FBXL2: variants seen among roughly 807,000 people sequenced by gnomAD.
The protein encoded by FBXL2 is F-box/LRR-repeat protein 2.
A neutral mutation model predicts 69.2 loss-of-function variants in FBXL2; 38 were observed. The observed-to-expected ratio is 0.55, with a 90% CI of 0.42 to 0.72. The LOEUF is 0.72. FBXL2 is among the 30% of genes least tolerant of loss of function. The probability of loss-of-function intolerance (pLI) is 0.00; values close to 1 mark genes in which losing one functional copy is unlikely to be tolerated. For missense variants in FBXL2, 354 were observed against 520.3 expected, an observed-to-expected ratio of 0.68 and a Z score of 3.11; for synonymous variants, 192 against 201.3, an observed-to-expected ratio of 0.95 and a Z score of 0.39.
chr3:33,421,465 TCAC>T, the FBXL2 span, among the ~76,000 whole-genome samples: 1 of 152,162 alleles, frequency 6.6e-6, no homozygotes, highest in East Asian at 1.9e-4. Flanking sequence ...AGAGATGGTT[TCAC>T]CACATTGGCC....
At chr3:33,396,660 A>G (rs1352348931) in intron 12 of FBXL2, 7 of 410,444 alleles carry the variant, frequency 1.7e-5, no homozygotes, top group Admixed American at 3.3e-5. Context: ...AGTTTCTGTC[A>G]TTTTAATTCA....
intron 2 of FBXL2, among the ~76,000 whole-genome samples, chr3:33,309,681 C>T (rs995139727): frequency 6.6e-5 from 10 of 152,144 alleles, no homozygotes; most frequent in Non-Finnish European, 1.3e-4. Flanking sequence ...ATAGATCCTT[C>T]ATTCTTCTTT....
At chr3:33,329,510 T>TA (rs560515654) in intron 2 of FBXL2, among the ~76,000 whole-genome samples, 54 of 151,296 alleles carry the variant, frequency 3.6e-4, no homozygotes, top group African/African-American at 1.2e-3. Flanking sequence ...AAATATGGAA[T>TA]TAACTAAGTG....
chr3:33,381,332 G>T (rs973436672), intron 13 of FBXL2, among the ~76,000 whole-genome samples: 1 of 152,090 alleles, frequency 6.6e-6, no homozygotes, highest in African/African-American at 2.4e-5. Flanking sequence ...ACGTATATAC[G>T]TGTGAATCCA....
At chr3:33,331,083 C>T (rs1392818217) in intron 2 of FBXL2, among the ~76,000 whole-genome samples, 3 of 151,538 alleles carry the variant, frequency 2.0e-5, no homozygotes, top group South Asian at 2.1e-4. Flanking sequence ...CTAATGCACC[C>T]GGTTTCATTT....
chr3:33,288,543 A>T (rs1422432132), intron 1 of FBXL2, among the ~76,000 whole-genome samples: 2 of 152,184 alleles, frequency 1.3e-5, no homozygotes, highest in Non-Finnish European at 2.9e-5. Context: ...GGCCTCTCTG[A>T]TAAAGTGACA....
downstream of FBXL2, chr3:33,388,300 C>T (rs1034122683): frequency 5.2e-5 from 8 of 152,460 alleles, no homozygotes; most frequent in South Asian, 2.1e-4. Flanking sequence ...CACGAAGTGA[C>T]AGTAGCAGGA....
downstream of FBXL2, chr3:33,392,502 T>G: frequency 7.0e-7 from 1 of 1,434,170 alleles, no homozygotes; most frequent in East Asian, 2.3e-5. Flanking sequence ...AGGCACTAAT[T>G]AGAGGCACAC....
intron 12 of FBXL2, chr3:33,393,274 T>C (rs751212194): frequency 3.9e-5 from 62 of 1,569,972 alleles, no homozygotes; most frequent in Admixed American, 1.2e-4. Context: ...TAAAAGTAAA[T>C]ACCAGTCTGA....
chr3:33,299,128 G>A (rs1395539565), intron 2 of FBXL2, among the ~76,000 whole-genome samples: 3 of 151,556 alleles, frequency 2.0e-5, no homozygotes, highest in Non-Finnish European at 2.9e-5. Context: ...CGCATCTTCC[G>A]CCTCCCAGGT....
chr3:33,291,854 C>G (rs1432708251), intron 1 of FBXL2, among the ~76,000 whole-genome samples: 1 of 152,134 alleles, frequency 6.6e-6, no homozygotes, highest in African/African-American at 2.4e-5. Flanking sequence ...AATGTAAAGA[C>G]CATCATCTCC....
rs185110576 is a variant in FBXL2 at position 33,381,831 on chromosome 3, A to G, written c.952-2158A>G. Among the ~76,000 whole-genome samples the G allele has an allele frequency of 1.2e-3, 190 of 152,354 alleles. 1 individual carries two copies. The highest frequency in any genetic ancestry group is 2.3e-3 in the South Asian group (11 of 4,832). ...AAAACCAATGAACAGCATTGATTAC[A>G]TAAATACTATTTGATGTAAACCATG... On this transcript the variant is annotated intron_variant, in intron 13 of 14. Transcript: ENST00000484457.
At chr3:33,415,224 A>G in the FBXL2 span, among the ~76,000 whole-genome samples, 1 of 152,246 alleles carries the variant, frequency 6.6e-6, no homozygotes, top group East Asian at 1.9e-4. Context: ...ACTGCCCTGG[A>G]AAGCCAGCTT....
At chr3:33,349,454 C>A (rs995266636) in intron 2 of FBXL2, among the ~76,000 whole-genome samples, 4 of 152,120 alleles carry the variant, frequency 2.6e-5, no homozygotes, top group Non-Finnish European at 5.9e-5. Flanking sequence ...GGATAACTCT[C>A]ACGTGTTCAT....
At chr3:33,419,628 CAA>C in the FBXL2 span, among the ~76,000 whole-genome samples, 5 of 100,796 alleles carry the variant, frequency 5.0e-5, no homozygotes, top group Admixed American at 9.5e-5. Flanking sequence ...GACTCCATCT[CAA>C]AAAAAAAAAA....
intron 4 of FBXL2, among the ~76,000 whole-genome samples, chr3:33,361,336 T>G (rs1253398674): frequency 6.6e-6 from 1 of 151,800 alleles, no homozygotes; most frequent in Non-Finnish European, 1.5e-5. Flanking sequence ...AAACTGCGTC[T>G]CTACAAAAAA....
chr3:33,308,490 C>T (rs2036912731), intron 2 of FBXL2, among the ~76,000 whole-genome samples: 1 of 152,150 alleles, frequency 6.6e-6, no homozygotes, highest in African/African-American at 2.4e-5. Context: ...TCTCTATCTT[C>T]TTCCATCCAC....
intron 2 of FBXL2, among the ~76,000 whole-genome samples, chr3:33,354,329 T>A (rs1275322463): frequency 6.6e-6 from 1 of 151,648 alleles, no homozygotes; most frequent in African/African-American, 2.4e-5. Context: ...GCCTGACCAA[T>A]ATAGTGAAAC....
intron 1 of FBXL2, among the ~76,000 whole-genome samples, chr3:33,292,210 T>C (rs2035296204): frequency 6.6e-6 from 1 of 152,082 alleles, no homozygotes; most frequent in Non-Finnish European, 1.5e-5. Flanking sequence ...TGAAACCCCA[T>C]CTCTACTAAA....
Sources: gnomAD v4.1 joint callset for allele counts (sites outside exome capture counted in the v4.1 genomes callset) on GRCh38, gnomAD v4.1.1 for gene constraint, MANE v1.5 for transcripts, NCBI Gene and HGNC (gene_info 2026-07-23, HGNC 2026-07-21) for gene names.